Variants in IARS1 observed in about 807,000 individuals in gnomAD.
IARS1 encodes isoleucyl-tRNA synthetase 1, also known as isoleucine--tRNA ligase, cytoplasmic.
In IARS1, 124 loss-of-function variants were observed where a neutral mutation model predicts 168.2. The ratio of observed to expected loss-of-function variants is 0.74; its 90% confidence interval spans 0.64 to 0.86. The LOEUF (loss-of-function observed/expected upper bound fraction) is 0.86, where lower values mean the gene tolerates loss of function less well. IARS1 is among the 40% of genes least tolerant of loss of function. The probability of loss-of-function intolerance (pLI) is 0.00; values close to 1 mark genes in which losing one functional copy is unlikely to be tolerated. For synonymous variants in IARS1, 532 were observed against 529.4 expected, an observed-to-expected ratio of 1.00 and a Z score of -0.07; for missense variants, 1,452 against 1,515.8, an observed-to-expected ratio of 0.96 and a Z score of 0.70.
rs754939823 is a variant in IARS1, at chr9:92,271,081, T to TA, written c.1114-6dup. On this transcript the variant is annotated splice_polypyrimidine_tract_variant and splice_region_variant and intron_variant, in intron 11 of 33. Coordinates refer to ENST00000443024, the MANE Select transcript of IARS1 (RefSeq NM_002161.6). The stretch of plus-strand genomic sequence containing the variant: ...GATGATACTTTTGTCAGCATCCTAT[T>TA]AAAAAAAATTAAAATTTAGCCATTA... 5.3e-5 allele frequency: 83 copies of TA among 1,577,066 alleles called. No homozygotes were observed. In the African/African-American group the frequency reaches 6.3e-4, roughly 12 times the overall value.
At chr9:92,281,788 G>A (rs957380118) in intron 6 of IARS1, among the ~76,000 whole-genome samples, 2 of 152,010 alleles carry the variant, frequency 1.3e-5, no homozygotes, top group African/African-American at 2.4e-5. Context: ...TGACACGAGA[G>A]CCATTAGTCA....
intron 20 of IARS1, among the ~76,000 whole-genome samples, chr9:92,254,461 G>A (rs1212393769): frequency 6.6e-6 from 1 of 152,204 alleles, no homozygotes. Context: ...GCTAAGAGAC[G>A]AGAAGTTGCA....
chr9:92,210,265 A>C lies in IARS1; in HGVS notation c.*542T>G, dbSNP rs1837552935. The C allele has an allele frequency of 1.3e-5, 2 of 152,378 alleles. No individual in the cohort carries two copies. The highest frequency in any genetic ancestry group is 4.8e-5 in the African/African-American group (2 of 41,446). The allele number at this position is 152,378 out of a possible 1,614,324, so 9.4% of individuals were successfully genotyped here. A position where few individuals can be genotyped will look rare whatever the true frequency, so the allele number is the denominator to read the frequency against. The stretch of plus-strand genomic sequence containing the variant: ...ACTGTCTTAATAAGAAACCACCATG[A>C]AGTTTTTATGTTCTTCAAAGTTTAC... On this transcript the variant is annotated 3_prime_UTR_variant, in exon 34 of 34. Coordinates refer to ENST00000443024, the MANE Select transcript of IARS1 (RefSeq NM_002161.6).
Position 92,258,851 on chromosome 9 carries a change from T to C in IARS1, c.2016+3A>G, listed in dbSNP as rs1831112692. 1.2e-6 allele frequency: 2 copies of C among 1,604,710 alleles called. No individual in the cohort carries two copies. Among genetic ancestry groups the C allele is most frequent in the African/African-American group, 1.3e-5 (1 of 74,544 alleles). On this transcript the variant is annotated splice_donor_region_variant and intron_variant, in intron 19 of 33. Transcript: ENST00000443024. ...TACATGTGCAGCCCCCTACAGCCCATACCTTCTGGAGCCTCAGAACGTTCT... is the reference window on the plus strand; with the variant it reads ...TACATGTGCAGCCCCCTACAGCCCACACCTTCTGGAGCCTCAGAACGTTCT...
chr9:92,233,970 A>C (rs1395402689), intron 30 of IARS1, among the ~76,000 whole-genome samples: 1 of 152,134 alleles, frequency 6.6e-6, no homozygotes, highest in Non-Finnish European at 1.5e-5. Context: ...TTTGTTGCCG[A>C]GGCTGGTCTC....
chr9:92,219,507 G>A (rs1004957035), intron 33 of IARS1, among the ~76,000 whole-genome samples: 130 of 149,740 alleles, frequency 8.7e-4, no homozygotes, highest in South Asian at 8.6e-4. Flanking sequence ...GAAAATTTTC[G>A]CAACCTACTC....
At chr9:92,260,792 C>T (rs1349764278) in intron 17 of IARS1, among the ~76,000 whole-genome samples, 2 of 152,040 alleles carry the variant, frequency 1.3e-5, no homozygotes. Context: ...AGAATATATC[C>T]CAAAGAAATG....
chr9:92,260,155 G>C lies in IARS1; in HGVS notation c.1867C>G (p.Leu623Val), dbSNP rs138011667. ...SIIQKYGADA[L>V]RLYLINSPVV... ...AGGCAAAGCACTGGTTTGTACCTGA[G>C]GGCATCAGCACCATACTTCTGGATG... Residue 623 changes from leucine (L) to valine (V), a missense_variant, in exon 18 of 34, where the codon CTC (leucine) becomes GTC (valine). By Grantham distance (32) the Leu-to-Val change is conservative. Transcript: ENST00000443024. 3.1e-6 allele frequency: 5 copies of C among 1,608,164 alleles called. No individual in the cohort carries two copies. The African/African-American group carries it at 6.7e-5, about 21-fold the overall frequency.
At position 92,239,721 on chromosome 9, in the gene IARS1, C is replaced by T. The variant is rs1828081328; in HGVS notation, c.3283+1135G>A. ...GGGCAGAGGGGCTCATTACTGCCCC[C>T]CACTAGGATGAAAGTCCCAGCTTCC... On this transcript the variant is annotated intron_variant, in intron 30 of 33. Coordinates refer to ENST00000443024, the MANE Select transcript of IARS1 (RefSeq NM_002161.6). 3.3e-5 allele frequency among the ~76,000 whole-genome samples: 5 copies of T among 152,098 alleles called. No individual in the cohort carries two copies. In the South Asian group the frequency reaches 1.0e-3, roughly 32 times the overall value.
chr9:92,269,740 G>T, intron 13 of IARS1, 145 bp downstream of exon 13: 1 of 539,880 alleles, frequency 1.9e-6, no homozygotes, highest in Non-Finnish European at 3.4e-6. Flanking sequence ...ATTATTTTGT[G>T]CTCCTAAACA....
At position 92,256,567 on chromosome 9, in the gene IARS1, A is replaced by G. The variant is rs568019788; in HGVS notation, c.2137+113T>C. ...ACAAAACTATATGAGAGGTAAAAGG[A>G]AACAATTATTTAATTTTCTGTATCT... On this transcript the variant is annotated intron_variant, in intron 20 of 33. Transcript: ENST00000443024. The G allele has an allele frequency of 5.3e-6, 6 of 1,124,768 alleles. No individual in the cohort carries two copies. The Admixed American group carries it at 9.1e-5, about 17-fold the overall frequency. 69.7% of individuals were successfully genotyped at this position (1,124,768 alleles called of 1,614,324 possible). A position where few individuals can be genotyped will look rare whatever the true frequency, so the allele number is the denominator to read the frequency against.
rs959567350 is a variant in IARS1 at position 92,210,573 on chromosome 9, T to A, written c.*234A>T. ...TAAACTGTGGGCTGAAGTAACATTG[T>A]AACCTGCTCCCAACATGACTGCATA... On this transcript the variant is annotated 3_prime_UTR_variant, in exon 34 of 34. Coordinates refer to ENST00000443024, the MANE Select transcript of IARS1 (RefSeq NM_002161.6). 7.2e-6 allele frequency: 3 copies of A among 416,734 alleles called. No homozygotes were observed. Among genetic ancestry groups the A allele is most frequent in the Non-Finnish European group, 8.6e-6 (2 of 231,456 alleles). 25.8% of individuals were successfully genotyped at this position (416,734 alleles called of 1,614,324 possible).
At chr9:92,236,915 T>A (rs183719885) in intron 30 of IARS1, among the ~76,000 whole-genome samples, 2 of 152,370 alleles carry the variant, frequency 1.3e-5, no homozygotes, top group East Asian at 3.9e-4. Context: ...TATCAATAAT[T>A]CTTTTTATTC....
chr9:92,280,357 G>A (rs1193048230), intron 7 of IARS1, among the ~76,000 whole-genome samples: 3 of 152,088 alleles, frequency 2.0e-5, no homozygotes, highest in Admixed American at 6.6e-5. Context: ...AAAGGCCCTC[G>A]TTGAGACTGG....
intron 33 of IARS1, among the ~76,000 whole-genome samples, chr9:92,219,667 A>C (rs1223376567): frequency 6.6e-6 from 1 of 150,866 alleles, no homozygotes; most frequent in Non-Finnish European, 1.5e-5. Flanking sequence ...ACATGAAAAA[A>C]TGCTCATCAT....
chr9:92,265,210 G>C (rs1027902129), intron 15 of IARS1, 87 bp from the exon 16 acceptor site: 19 of 1,162,244 alleles, frequency 1.6e-5, no homozygotes, highest in Admixed American at 1.5e-4. Context: ...ACAAAACCCT[G>C]ACAAGATATT....
At chr9:92,293,570 C>A (rs1486597100) in intron 1 of IARS1, 41 bp downstream of exon 1, 24 of 455,072 alleles carry the variant, frequency 5.3e-5, no homozygotes, top group African/African-American at 1.0e-4. Context: ...GCGTGACCCT[C>A]GTCTTTGAGG....
At chr9:92,233,311 T>C (rs1245634688) in intron 30 of IARS1, among the ~76,000 whole-genome samples, 2 of 152,246 alleles carry the variant, frequency 1.3e-5, no homozygotes, top group East Asian at 3.8e-4. Context: ...AATTGCAACA[T>C]TAGTATAATG....
intron 26 of IARS1, among the ~76,000 whole-genome samples, chr9:92,245,597 A>G (rs1364227013): frequency 2.0e-5 from 3 of 152,154 alleles, no homozygotes; most frequent in Non-Finnish European, 4.4e-5. Flanking sequence ...CCCCGCTGAT[A>G]GGGAGGCCCA....
Sources: gnomAD v4.1 joint callset for allele counts (sites outside exome capture counted in the v4.1 genomes callset) on GRCh38, gnomAD v4.1.1 for gene constraint, MANE v1.5 for transcripts, NCBI Gene and HGNC (gene_info 2026-07-23, HGNC 2026-07-21) for gene names.